Variants in VPS8 observed in about 807,000 individuals in gnomAD.
VPS8 encodes VPS8 subunit of CORVET complex, also known as vacuolar protein sorting-associated protein 8 homolog.
Under a neutral mutation model 216.4 loss-of-function variants are expected in VPS8, and 129 were observed. The ratio of observed to expected loss-of-function variants is 0.60; its 90% CI spans 0.52 to 0.69. The LOEUF (loss-of-function observed/expected upper bound fraction) is 0.69, where lower values mean the gene tolerates loss of function less well. Ranked by LOEUF, VPS8 falls within the 30% of genes least tolerant of loss-of-function variation. VPS8 has a pLI of 0.00. For missense variants in VPS8, 1,531 were observed against 1,683.5 expected, an observed-to-expected ratio of 0.91 and a Z score of 1.59; for synonymous variants, 571 against 565.4, an observed-to-expected ratio of 1.01 and a Z score of -0.14.
chr3:184,907,395 G>T (rs558825384), intron 25 of VPS8, among the ~76,000 whole-genome samples: 1 of 152,208 alleles, frequency 6.6e-6, no homozygotes, highest in Non-Finnish European at 1.5e-5. Context: ...GAATTTCCTT[G>T]TGGGTAAATT....
intron 5 of VPS8, 39 bp from the exon 6 acceptor site, chr3:184,838,675 A>C: frequency 6.7e-7 from 1 of 1,492,986 alleles, no homozygotes; most frequent in Non-Finnish European, 9.0e-7. Context: ...TTTTAAAATG[A>C]GAATATTTTT....
chr3:184,864,457 C>G (rs1288732863), intron 16 of VPS8, among the ~76,000 whole-genome samples: 1 of 152,102 alleles, frequency 6.6e-6, no homozygotes, highest in Non-Finnish European at 1.5e-5. Context: ...CCTCAGACTC[C>G]TAATCAGCAA....
At chr3:184,945,452 G>GT (rs1186194706) in intron 36 of VPS8, among the ~76,000 whole-genome samples, 4 of 152,168 alleles carry the variant, frequency 2.6e-5, no homozygotes, top group African/African-American at 9.6e-5. Context: ...AGGTAATTAT[G>GT]TATAAGTATC....
intron 17 of VPS8, 31 bp downstream of exon 17, chr3:184,866,981 TGTATGTATCAGG>T: frequency 6.2e-7 from 1 of 1,603,476 alleles, no homozygotes; most frequent in Non-Finnish European, 8.5e-7. Flanking sequence ...AGTTGGTATT[TGTATGTATCAGG>T]GTAGTTGAGG....
Position 184,915,243 on chromosome 3 carries a change from G to A in VPS8, c.2263-112G>A, listed in dbSNP as rs137981996. 3.6e-5 allele frequency: 50 copies of A among 1,402,650 alleles called. No homozygotes were observed. In the East Asian group the frequency reaches 1.2e-3, roughly 34 times the overall value. 86.9% of individuals were successfully genotyped at this position (1,402,650 alleles called of 1,614,324 possible). On this transcript the variant is annotated intron_variant, in intron 27 of 47. Coordinates refer to ENST00000625842, the MANE Select transcript of VPS8 (RefSeq NM_001009921.3). The stretch of plus-strand genomic sequence containing the variant: ...TTAAGAGAGAACTTAAAATACAGTA[G>A]CAATTTAAACTGAATTCAGCCTGCC...
intron 46 of VPS8, among the ~76,000 whole-genome samples, chr3:185,043,449 C>T (rs945736844): frequency 6.6e-6 from 1 of 152,174 alleles, no homozygotes; most frequent in Admixed American, 6.5e-5. Context: ...GCAGAGATTT[C>T]CCTGTTTGTA....
intron 21 of VPS8, among the ~76,000 whole-genome samples, chr3:184,875,685 A>G (rs1334759767): frequency 6.6e-6 from 1 of 152,034 alleles, no homozygotes; most frequent in Non-Finnish European, 1.5e-5. Context: ...AGAGCCAGAC[A>G]TCTTACAAGA....
In VPS8 at chr3:184,964,577, C is replaced by T. The variant is rs1349106637; in HGVS notation, c.3273+20C>T. 5 of 1,401,754 alleles carry T rather than the reference C, an allele frequency of 3.6e-6. No homozygotes were observed. Among genetic ancestry groups the T allele is most frequent in the Middle Eastern group, 1.8e-4 (1 of 5,470 alleles). 86.8% of individuals were successfully genotyped at this position (1,401,754 alleles called of 1,614,324 possible). A position where few individuals can be genotyped will look rare whatever the true frequency, so the allele number is the denominator to read the frequency against. ...TTAGAGGTAACACTTTACTATGTTT[C>T]TTTCATCATATTTCTGTCTATTCCT... is the stretch of plus-strand genomic sequence containing the variant. On this transcript the variant is annotated intron_variant, in intron 38 of 47. Transcript: ENST00000625842.
chr3:184,882,311 T>C, intron 21 of VPS8: 4 of 437,690 alleles, frequency 9.1e-6, no homozygotes, highest in South Asian at 6.6e-5. Context: ...TTGCTTTTTC[T>C]ATGTAATTAA....
chr3:184,832,889 C>A (rs1720295685), intron 4 of VPS8, 70 bp downstream of exon 4: 1 of 1,526,046 alleles, frequency 6.6e-7, no homozygotes, highest in Admixed American at 2.1e-5. Context: ...AAATATTGTA[C>A]TTTTTAAAGT....
chr3:184,847,655 A>G (rs531627203), intron 8 of VPS8, among the ~76,000 whole-genome samples: 1 of 152,342 alleles, frequency 6.6e-6, no homozygotes, highest in African/African-American at 2.4e-5. Context: ...TAAATTTTGT[A>G]GGCATGCATT....
intron 46 of VPS8, among the ~76,000 whole-genome samples, chr3:185,046,087 T>G (rs1452423436): frequency 1.3e-5 from 2 of 152,244 alleles, no homozygotes; most frequent in African/African-American, 4.8e-5. Context: ...AAGAAAGAAA[T>G]TTGCTCTAAC....
At chr3:184,976,016 T>C (rs1211564511) in intron 40 of VPS8, among the ~76,000 whole-genome samples, 2 of 152,150 alleles carry the variant, frequency 1.3e-5, no homozygotes, top group Non-Finnish European at 2.9e-5. Context: ...CCTCTTGTAT[T>C]CATCCATATC....
chr3:185,046,496 T>G (rs1038235424), intron 46 of VPS8, among the ~76,000 whole-genome samples: 1 of 152,092 alleles, frequency 6.6e-6, no homozygotes, highest in Non-Finnish European at 1.5e-5. Flanking sequence ...TGCCCTTTGA[T>G]CAATTGGAAC....
chr3:184,860,552 C>G (rs1456178069), intron 15 of VPS8, among the ~76,000 whole-genome samples: 1 of 151,288 alleles, frequency 6.6e-6, no homozygotes, highest in Admixed American at 6.6e-5. Context: ...TGGTGTGATG[C>G]CACAAATTAT....
At chr3:184,828,398 CA>C (rs1719275409) in intron 3 of VPS8, among the ~76,000 whole-genome samples, 2 of 152,208 alleles carry the variant, frequency 1.3e-5, no homozygotes, top group African/African-American at 4.8e-5. Context: ...CTCGGCCTCC[CA>C]AAGTTCTGGG....
intron 35 of VPS8, among the ~76,000 whole-genome samples, chr3:184,937,291 T>C (rs1741814496): frequency 6.6e-6 from 1 of 152,052 alleles, no homozygotes; most frequent in Admixed American, 6.5e-5. Flanking sequence ...AATAGGACAA[T>C]GACAGGGACA....
chr3:185,008,997 T>C (rs914212296), intron 45 of VPS8, among the ~76,000 whole-genome samples: 2 of 152,258 alleles, frequency 1.3e-5, no homozygotes, highest in African/African-American at 4.8e-5. Context: ...GTTTGGTTTT[T>C]ATTCTTAGGA....
chr3:184,909,239 A>G (rs1312367008), intron 25 of VPS8, among the ~76,000 whole-genome samples: 2 of 152,226 alleles, frequency 1.3e-5, no homozygotes, highest in Admixed American at 1.3e-4. Flanking sequence ...AAACTCTAAA[A>G]TTCACTGGTC....
Sources: allele counts gnomAD v4.1 joint callset (sites outside exome capture counted in the v4.1 genomes callset), GRCh38; gene constraint gnomAD v4.1.1; transcripts MANE v1.5; gene names NCBI Gene and HGNC (gene_info 2026-07-23, HGNC 2026-07-21).